The following SETBP1 variants were observed in gnomAD, a reference collection of about 807,000 sequenced individuals.
SETBP1 encodes SET binding protein 1.
SETBP1 carries 9 observed loss-of-function variants against 101.0 expected under a neutral mutation model. That is an observed-to-expected ratio of 0.09 (90% confidence interval 0.05 to 0.16). The LOEUF is 0.16. Ranked by LOEUF, SETBP1 falls within the 10% of genes least tolerant of loss-of-function variation. SETBP1 has a pLI of 1.00. For missense variants in SETBP1, 1,858 were observed against 2,033.8 expected, an observed-to-expected ratio of 0.91 and a Z score of 1.66; for synonymous variants, 818 against 788.5, an observed-to-expected ratio of 1.04 and a Z score of -0.63.
rs1181957943 is a variant in SETBP1 at position 44,921,540 on chromosome 18, C to A, written c.541-28341C>A. 2.6e-5 allele frequency among the ~76,000 whole-genome samples: 4 copies of A among 152,148 alleles called. No individual in the cohort carries two copies. In the East Asian group the frequency reaches 7.7e-4, roughly 29 times the overall value. On this transcript the variant is annotated intron_variant, in intron 3 of 5. Coordinates refer to ENST00000649279, the MANE Select transcript of SETBP1 (RefSeq NM_015559.3). ...TAGCGCACTGGGGGAGACCCATAAT[C>A]AAAAGAACAAAAATACTTTGCTTTC... is the stretch of plus-strand genomic sequence containing the variant.
At chr18:44,822,953 G>A (rs900888819) in intron 2 of SETBP1, among the ~76,000 whole-genome samples, 2 of 152,178 alleles carry the variant, frequency 1.3e-5, no homozygotes, top group Admixed American at 6.5e-5. Flanking sequence ...AGACCAGCCT[G>A]GCCAACATGG....
intron 5 of SETBP1, among the ~76,000 whole-genome samples, chr18:45,048,617 G>A (rs2073659036): frequency 6.6e-6 from 1 of 151,892 alleles, no homozygotes; most frequent in Non-Finnish European, 1.5e-5. Context: ...GTTAAAAATT[G>A]TCAACCTTTT....
At chr18:44,753,173 A>G (rs1010615784) in intron 2 of SETBP1, among the ~76,000 whole-genome samples, 1 of 152,208 alleles carries the variant, frequency 6.6e-6, no homozygotes, top group Non-Finnish European at 1.5e-5. Flanking sequence ...TGAGCTACTA[A>G]TGAGTTTATA....
chr18:44,824,073 A>G (rs16978185), intron 2 of SETBP1, among the ~76,000 whole-genome samples: 6,937 of 152,268 alleles, frequency 0.046, 513 homozygotes, highest in African/African-American at 0.15. Flanking sequence ...ACTCCTGCCC[A>G]AATCTTAAGA....
chr18:44,797,261 T>G (rs1004452511), intron 2 of SETBP1, among the ~76,000 whole-genome samples: 2 of 152,242 alleles, frequency 1.3e-5, no homozygotes, highest in Admixed American at 6.5e-5. Context: ...TTGTCTCACA[T>G]ATGTTTAAAT....
At chr18:44,852,053 C>T (rs141586425) in intron 2 of SETBP1, among the ~76,000 whole-genome samples, 22 of 152,310 alleles carry the variant, frequency 1.4e-4, no homozygotes, top group African/African-American at 4.1e-4. Flanking sequence ...ACCTCAGCAC[C>T]GAGGCATCCA....
chr18:44,883,265 A>G (rs143627159), intron 3 of SETBP1, among the ~76,000 whole-genome samples: 51 of 152,350 alleles, frequency 3.3e-4, no homozygotes, highest in African/African-American at 1.1e-3. Flanking sequence ...ATCAAAAGCA[A>G]TCTCAGTGGA....
At chr18:44,757,506 C>G (rs75690487) in intron 2 of SETBP1, among the ~76,000 whole-genome samples, 355 of 152,260 alleles carry the variant, frequency 2.3e-3, no homozygotes, top group African/African-American at 7.9e-3. Context: ...TTTGAGTGCT[C>G]TGTATCCCCG....
At chr18:44,928,361 G>A (rs113000036) in intron 3 of SETBP1, among the ~76,000 whole-genome samples, 18,497 of 152,182 alleles carry the variant, frequency 0.12, 1,359 homozygotes, top group East Asian at 0.31. Context: ...CCAAGTCTTT[G>A]CTATTGTGAA....
intron 4 of SETBP1, among the ~76,000 whole-genome samples, chr18:45,024,052 T>G (rs2073120111): frequency 6.6e-6 from 1 of 152,216 alleles, no homozygotes; most frequent in Non-Finnish European, 1.5e-5. Context: ...TCCCAATTAC[T>G]GACTAACGTA....
intron 5 of SETBP1, among the ~76,000 whole-genome samples, chr18:45,049,704 T>C (rs1407181628): frequency 6.6e-6 from 1 of 152,166 alleles, no homozygotes; most frequent in African/African-American, 2.4e-5. Context: ...CAGGGAGCCA[T>C]TGAAGGCATT....
At chr18:44,965,742 G>T (rs1276127613) in intron 4 of SETBP1, among the ~76,000 whole-genome samples, 1 of 152,090 alleles carries the variant, frequency 6.6e-6, no homozygotes, top group Admixed American at 6.6e-5. Flanking sequence ...CATTATTTTT[G>T]AATTTCAACT....
chr18:44,906,734 A>G (rs564302572), intron 3 of SETBP1, among the ~76,000 whole-genome samples: 2 of 152,336 alleles, frequency 1.3e-5, no homozygotes, highest in South Asian at 4.1e-4. Flanking sequence ...AGGTGGGGAT[A>G]TAAATGCACT....
At chr18:45,002,053 A>G (rs781778372) in intron 4 of SETBP1, among the ~76,000 whole-genome samples, 46 of 152,198 alleles carry the variant, frequency 3.0e-4, no homozygotes, top group Non-Finnish European at 6.2e-4. Context: ...GCTCCTTCAG[A>G]AAAGCTTCGC....
At chr18:44,833,958 AGAAATGATT>A (rs1273016311) in intron 2 of SETBP1, among the ~76,000 whole-genome samples, 1 of 152,276 alleles carries the variant, frequency 6.6e-6, no homozygotes, top group Non-Finnish European at 1.5e-5. Flanking sequence ...GTTCTGCATA[AGAAATGATT>A]GAAAATTTTA....
At chr18:44,978,971 C>T (rs9946393) in intron 4 of SETBP1, among the ~76,000 whole-genome samples, 8,508 of 152,314 alleles carry the variant, frequency 0.056, 835 homozygotes, top group African/African-American at 0.19. Context: ...AATCATGTGT[C>T]TCACAAGGGG....
At chr18:44,726,501 A>C (rs768241886) in intron 2 of SETBP1, among the ~76,000 whole-genome samples, 1 of 152,220 alleles carries the variant, frequency 6.6e-6, no homozygotes, top group African/African-American at 2.4e-5. Flanking sequence ...GAGGTTGAAT[A>C]ACTTGCCAAA....
rs761976646 is a variant in SETBP1, at chr18:44,773,565, T to A, written c.486+71733T>A. ...TTTTGCAACGTCAATAGAAACAAACTGTCTTCTTGCTCCTAGAATATAGAG... is the reference window on the plus strand; with the variant it reads ...TTTTGCAACGTCAATAGAAACAAACAGTCTTCTTGCTCCTAGAATATAGAG... On this transcript the variant is annotated intron_variant, in intron 2 of 5. Coordinates refer to ENST00000649279, the MANE Select transcript of SETBP1 (RefSeq NM_015559.3). 7.9e-5 allele frequency among the ~76,000 whole-genome samples: 12 copies of A among 152,318 alleles called. No individual in the cohort carries two copies. The South Asian group carries it at 1.9e-3, about 24-fold the overall frequency.
chr18:45,018,904 T>C (rs1184583958), intron 4 of SETBP1, among the ~76,000 whole-genome samples: 2 of 152,180 alleles, frequency 1.3e-5, no homozygotes, highest in East Asian at 1.9e-4. Flanking sequence ...TACCTGCTCC[T>C]GATTAGGAAT....
Sources: allele counts gnomAD v4.1 joint callset (sites outside exome capture counted in the v4.1 genomes callset), GRCh38; gene constraint gnomAD v4.1.1; transcripts MANE v1.5; gene names NCBI Gene and HGNC (gene_info 2026-07-23, HGNC 2026-07-21).